EPB41L2: variants seen among roughly 807,000 people sequenced by gnomAD.
EPB41L2 encodes the protein erythrocyte membrane protein band 4.1 like 2, also known as band 4.1-like protein 2.
A neutral mutation model predicts 113.0 loss-of-function variants in EPB41L2; 43 were observed. That is an observed-to-expected ratio of 0.38 (90% CI 0.30 to 0.49). The LOEUF is 0.49. EPB41L2 is among the 20% of genes least tolerant of loss of function. The pLI, the probability that EPB41L2 is intolerant of heterozygous loss-of-function variation, is 0.95. For synonymous variants in EPB41L2, 442 were observed against 436.7 expected, an observed-to-expected ratio of 1.01 and a Z score of -0.15; for missense variants, 1,147 against 1,223.4, an observed-to-expected ratio of 0.94 and a Z score of 0.93.
intron 3 of EPB41L2, among the ~76,000 whole-genome samples, chr6:130,929,161 G>T (rs551675741): frequency 6.6e-6 from 1 of 152,276 alleles, no homozygotes; most frequent in Admixed American, 6.5e-5. Context: ...AACAACACAT[G>T]AAGCACATGT....
chr6:130,955,468 G>A (rs955393786), intron 2 of EPB41L2, 151 bp from the exon 3 acceptor site: 22 of 823,796 alleles, frequency 2.7e-5, no homozygotes, highest in Non-Finnish European at 1.8e-6. Flanking sequence ...CCAATAGAAA[G>A]GATATTTCCC....
At chr6:131,014,644 T>C (rs1319315960) in intron 1 of EPB41L2, among the ~76,000 whole-genome samples, 1 of 152,164 alleles carries the variant, frequency 6.6e-6, no homozygotes, top group African/African-American at 2.4e-5. Flanking sequence ...GTTCCAACAA[T>C]GACGCAAAGG....
At chr6:131,024,101 G>A (rs2128743261) in intron 1 of EPB41L2, among the ~76,000 whole-genome samples, 1 of 152,080 alleles carries the variant, frequency 6.6e-6, no homozygotes, top group East Asian at 1.9e-4. Flanking sequence ...GAATCACAAA[G>A]GAAGGAGAAG....
At chr6:130,889,393 A>T (rs1222160900) in intron 11 of EPB41L2, among the ~76,000 whole-genome samples, 2 of 152,084 alleles carry the variant, frequency 1.3e-5, no homozygotes, top group Non-Finnish European at 2.9e-5. Context: ...TTTATATAAA[A>T]CTTATTTCAT....
Position 130,867,684 on chromosome 6 carries a change from A to G in EPB41L2, c.2608-103T>C, listed in dbSNP as rs1784233396. 4.3e-6 allele frequency: 6 copies of G among 1,399,730 alleles called. No individual in the cohort carries two copies. The East Asian group carries it at 1.4e-4, about 33-fold the overall frequency. The allele number at this position is 1,399,730 out of a possible 1,614,324, so 86.7% of individuals were successfully genotyped here. A position where few individuals can be genotyped will look rare whatever the true frequency, so the allele number is the denominator to read the frequency against. Reference sequence around the variant, plus strand: ...TAGTAAGAAACATATCCAAACACACACTCATGCACAAAAGAAAAGAGTAAA... The same window carrying G: ...TAGTAAGAAACATATCCAAACACACGCTCATGCACAAAAGAAAAGAGTAAA... On this transcript the variant is annotated intron_variant, in intron 15 of 19. Coordinates refer to ENST00000337057, the MANE Select transcript of EPB41L2 (RefSeq NM_001431.4).
intron 18 of EPB41L2, among the ~76,000 whole-genome samples, chr6:130,863,363 C>G (rs1427262900): frequency 6.6e-6 from 1 of 152,138 alleles, no homozygotes; most frequent in African/African-American, 2.4e-5. Context: ...AAACCAGGCC[C>G]ACACGAATCT....
At chr6:131,051,143 C>CA (rs1157487222) in intron 1 of EPB41L2, among the ~76,000 whole-genome samples, 1 of 151,838 alleles carries the variant, frequency 6.6e-6, no homozygotes, top group Non-Finnish European at 1.5e-5. Context: ...GCTTCTTGAC[C>CA]AATAACATAT....
At chr6:130,938,686 A>G (rs1809752834) in intron 3 of EPB41L2, among the ~76,000 whole-genome samples, 2 of 152,006 alleles carry the variant, frequency 1.3e-5, no homozygotes, top group African/African-American at 4.8e-5. Flanking sequence ...AAATGCCTTT[A>G]TTTTTTTACT....
At chr6:130,932,401 C>A (rs1807207456) in intron 3 of EPB41L2, among the ~76,000 whole-genome samples, 1 of 151,540 alleles carries the variant, frequency 6.6e-6, no homozygotes, top group Non-Finnish European at 1.5e-5. Context: ...GCAAAATATA[C>A]ACATAATTTT....
chr6:130,878,185 A>G lies in EPB41L2; in HGVS notation c.1962T>C (p.Asn654=). ...HQASISELKR[N]FMESTPEPRP... ...GCGGCTCAGGTGTGGATTCCATAAA[A>G]TTGCGCTTGAGTTCACTAATGCTAG... Residue 654 remains asparagine (N), a synonymous_variant, in exon 14 of 20, where the codon AAT becomes AAC. Transcript: ENST00000337057. The G allele has an allele frequency of 2.5e-6, 4 of 1,613,624 alleles. No homozygotes were observed. The highest frequency in any genetic ancestry group is 3.4e-6 in the Non-Finnish European group (4 of 1,179,844).
At chr6:130,998,627 C>G (rs552635001) in intron 1 of EPB41L2, among the ~76,000 whole-genome samples, 1 of 152,226 alleles carries the variant, frequency 6.6e-6, no homozygotes, top group East Asian at 1.9e-4. Context: ...GGACAGTACT[C>G]TGAAAAACTA....
At chr6:130,900,865 T>A in intron 7 of EPB41L2, 97 bp downstream of exon 7, 1 of 1,417,094 alleles carries the variant, frequency 7.1e-7, no homozygotes, top group Middle Eastern at 1.9e-4. Context: ...AAAAATTGGA[T>A]AATCCTGTAA....
At chr6:130,942,787 T>C (rs1583708607) in intron 3 of EPB41L2, among the ~76,000 whole-genome samples, 1 of 152,196 alleles carries the variant, frequency 6.6e-6, no homozygotes, top group African/African-American at 2.4e-5. Flanking sequence ...GTGTGTGATG[T>C]TCCCCTCTCT....
intron 4 of EPB41L2, among the ~76,000 whole-genome samples, chr6:130,916,562 C>T (rs1999474): frequency 0.78 from 118,935 of 152,162 alleles, 46,986 homozygotes; most frequent in East Asian, 1. Context: ...TCAGTGGCTA[C>T]GAATATTTGA....
At chr6:131,022,903 C>T (rs866240928) in intron 1 of EPB41L2, among the ~76,000 whole-genome samples, 1 of 152,160 alleles carries the variant, frequency 6.6e-6, no homozygotes, top group African/African-American at 2.4e-5. Context: ...ATTCTTGTGA[C>T]ATCATCATAC....
chr6:130,847,529 G>GA (rs910597090), intron 19 of EPB41L2, among the ~76,000 whole-genome samples: 9 of 151,786 alleles, frequency 5.9e-5, no homozygotes, highest in South Asian at 2.1e-4. Context: ...AAACGGCAGG[G>GA]AAAAAAAACA....
Position 130,955,115 on chromosome 6 carries a change from C to T in EPB41L2, c.695G>A (p.Cys232Tyr). ...VTLLDGTEYS[C>Y]DLEKHAKGQV... is the part of the protein sequence containing the mutation. ...AGCTCCCTATCTCACCTCCAGGTCA[C>T]AGCTGTATTCGGTGCCATCTAAGAG... The change falls in exon 3 of 20, where the codon TGT becomes TAT. Residue 232 changes from cysteine (C) to tyrosine (Y), a missense_variant. Physicochemically the swap from Cys to Tyr is radical, Grantham distance 194. Coordinates refer to ENST00000337057, the MANE Select transcript of EPB41L2 (RefSeq NM_001431.4). 6.2e-7 allele frequency: 1 copy of T among 1,614,162 alleles called. No homozygotes were observed. Among genetic ancestry groups the T allele is most frequent in the South Asian group, 1.1e-5 (1 of 91,080 alleles).
chr6:130,991,110 T>G (rs777316107), intron 1 of EPB41L2, among the ~76,000 whole-genome samples: 1 of 152,172 alleles, frequency 6.6e-6, no homozygotes, highest in African/African-American at 2.4e-5. Context: ...ATTACAGGCA[T>G]GAGCCACTTA....
intron 1 of EPB41L2, among the ~76,000 whole-genome samples, chr6:131,058,076 T>C (rs1797936963): frequency 6.6e-6 from 1 of 152,258 alleles, no homozygotes; most frequent in South Asian, 2.1e-4. Context: ...TATGTACTTT[T>C]TGACTTTATG....
Sources: allele counts gnomAD v4.1 joint callset (sites outside exome capture counted in the v4.1 genomes callset), GRCh38; gene constraint gnomAD v4.1.1; transcripts MANE v1.5; gene names NCBI Gene and HGNC (gene_info 2026-07-23, HGNC 2026-07-21).